SETBP1: variants seen among roughly 807,000 people sequenced by gnomAD.
SETBP1 encodes the protein SET-binding protein.
A neutral mutation model predicts 101.0 loss-of-function variants in SETBP1; 9 were observed. The observed-to-expected ratio is 0.09, with a 90% CI of 0.05 to 0.16. SETBP1 has a LOEUF of 0.16. SETBP1 is among the 10% of genes least tolerant of loss of function. SETBP1 has a pLI of 1.00. For synonymous variants in SETBP1, 818 were observed against 788.5 expected, an observed-to-expected ratio of 1.04 and a Z score of -0.63; for missense variants, 1,858 against 2,033.8, an observed-to-expected ratio of 0.91 and a Z score of 1.66.
intron 3 of SETBP1, among the ~76,000 whole-genome samples, chr18:44,918,470 A>C (rs1046641925): frequency 6.6e-6 from 1 of 152,202 alleles, no homozygotes; most frequent in African/African-American, 2.4e-5. Flanking sequence ...AATTTATCCT[A>C]CCTGGCCACT....
intron 4 of SETBP1, among the ~76,000 whole-genome samples, chr18:44,981,368 A>G (rs1242564935): frequency 2.6e-5 from 4 of 152,196 alleles, no homozygotes; most frequent in African/African-American, 9.7e-5. Context: ...ACCTCCCTTA[A>G]AAAATCTATA....
chr18:44,928,288 C>T (rs1408857743), intron 3 of SETBP1, among the ~76,000 whole-genome samples: 1 of 152,176 alleles, frequency 6.6e-6, no homozygotes, highest in Non-Finnish European at 1.5e-5. Flanking sequence ...TATAGTATTC[C>T]ATGGTGTATA....
At chr18:44,769,730 A>T (rs1380326377) in intron 2 of SETBP1, among the ~76,000 whole-genome samples, 1 of 152,254 alleles carries the variant, frequency 6.6e-6, no homozygotes, top group African/African-American at 2.4e-5. Flanking sequence ...AACCACTATT[A>T]TGCTATATAG....
intron 4 of SETBP1, among the ~76,000 whole-genome samples, chr18:44,979,165 T>C (rs2072056129): frequency 6.6e-6 from 1 of 152,232 alleles, no homozygotes; most frequent in Non-Finnish European, 1.5e-5. Context: ...AGAGGACTTC[T>C]ACGGGCTTTT....
intron 4 of SETBP1, among the ~76,000 whole-genome samples, chr18:45,005,054 T>C (rs1246414487): frequency 6.6e-6 from 1 of 152,180 alleles, no homozygotes; most frequent in African/African-American, 2.4e-5. Flanking sequence ...ATAAGGGCTT[T>C]GGCGCAGCAT....
chr18:44,701,205 T>A lies in SETBP1; in HGVS notation c.-142T>A. The A allele has an allele frequency of 1.2e-6, 1 of 847,852 alleles. No individual in the cohort carries two copies. Among genetic ancestry groups the A allele is most frequent in the Non-Finnish European group, 1.8e-6 (1 of 562,366 alleles). The allele number at this position is 847,852 out of a possible 1,614,324, so 52.5% of individuals were successfully genotyped here. Reference sequence around the variant, plus strand: ...GATCTGATCTCTTCTGAACACCTCATCGTGTCTCCATCCCTGGGAATCTGA... The same window carrying A: ...GATCTGATCTCTTCTGAACACCTCAACGTGTCTCCATCCCTGGGAATCTGA... On this transcript the variant is annotated 5_prime_UTR_variant, in exon 2 of 6. Coordinates refer to ENST00000649279, the MANE Select transcript of SETBP1 (RefSeq NM_015559.3).
chr18:44,874,618 A>C (rs182551323), intron 3 of SETBP1, among the ~76,000 whole-genome samples: 305 of 152,322 alleles, frequency 2.0e-3, no homozygotes, highest in Non-Finnish European at 3.3e-3. Context: ...AGAATTTGGG[A>C]TGCTGTTAAC....
chr18:44,938,075 G>A (rs1448448747), intron 3 of SETBP1, among the ~76,000 whole-genome samples: 1 of 152,198 alleles, frequency 6.6e-6, no homozygotes, highest in Non-Finnish European at 1.5e-5. Context: ...AGGGAGTGGG[G>A]GAGCAGGGGA....
intron 3 of SETBP1, among the ~76,000 whole-genome samples, chr18:44,880,515 A>G (rs2069505799): frequency 6.6e-6 from 1 of 152,222 alleles, no homozygotes; most frequent in African/African-American, 2.4e-5. Context: ...TTGTATCGTT[A>G]TAAAGAAATA....
chr18:44,889,684 G>A lies in SETBP1; in HGVS notation c.540+20401G>A, dbSNP rs1199256162. Among the ~76,000 whole-genome samples the A allele has an allele frequency of 2.6e-5, 4 of 152,048 alleles. No homozygotes were observed. In the East Asian group the frequency reaches 7.7e-4, roughly 29 times the overall value. On this transcript the variant is annotated intron_variant, in intron 3 of 5. Transcript: ENST00000649279. Reference sequence around the variant, plus strand: ...TAGTTAAATTAAACTATTGAGATGAGGCCTATTGATATACAATTAACCCAA... The same window carrying A: ...TAGTTAAATTAAACTATTGAGATGAAGCCTATTGATATACAATTAACCCAA...
chr18:45,009,175 G>A (rs999848425), intron 4 of SETBP1, among the ~76,000 whole-genome samples: 2 of 152,068 alleles, frequency 1.3e-5, no homozygotes, highest in African/African-American at 4.8e-5. Flanking sequence ...TCAGCACTGG[G>A]CCCTGCAGCC....
intron 4 of SETBP1, among the ~76,000 whole-genome samples, chr18:44,954,947 G>C (rs1489512398): frequency 6.6e-6 from 1 of 152,184 alleles, no homozygotes; most frequent in Non-Finnish European, 1.5e-5. Flanking sequence ...GACAGAAGAT[G>C]TTCTTATTTT....
chr18:44,845,139 G>T (rs1019024227), intron 2 of SETBP1, among the ~76,000 whole-genome samples: 1 of 152,172 alleles, frequency 6.6e-6, no homozygotes, highest in African/African-American at 2.4e-5. Flanking sequence ...AAGAGACAGA[G>T]ATCTCATTTT....
chr18:45,031,100 T>C (rs1234157495), intron 4 of SETBP1, among the ~76,000 whole-genome samples: 2 of 152,176 alleles, frequency 1.3e-5, no homozygotes, highest in Non-Finnish European at 2.9e-5. Flanking sequence ...TTAATTGTGA[T>C]GTTAGGGTGT....
chr18:44,696,440 C>T (rs996005884), intron 1 of SETBP1, among the ~76,000 whole-genome samples: 3 of 152,044 alleles, frequency 2.0e-5, no homozygotes, highest in Non-Finnish European at 4.4e-5. Flanking sequence ...AAGTAGAGCT[C>T]GAGAACTTGC....
At chr18:45,051,161 A>G (rs1182045822) in intron 5 of SETBP1, among the ~76,000 whole-genome samples, 1 of 152,184 alleles carries the variant, frequency 6.6e-6, no homozygotes, top group East Asian at 1.9e-4. Context: ...ATTTGTTTAC[A>G]CTAACTTTTC....
chr18:44,981,589 G>C (rs907456129), intron 4 of SETBP1, among the ~76,000 whole-genome samples: 2 of 152,194 alleles, frequency 1.3e-5, no homozygotes, highest in Non-Finnish European at 2.9e-5. Flanking sequence ...ACAGGACTTT[G>C]CAAGAGAAGA....
At chr18:44,819,810 A>C (rs116770595) in intron 2 of SETBP1, among the ~76,000 whole-genome samples, 1 of 152,346 alleles carries the variant, frequency 6.6e-6, no homozygotes, top group South Asian at 2.1e-4. Context: ...TTCCATTGAG[A>C]ATGATTGTTT....
chr18:44,775,095 G>A (rs780533059), intron 2 of SETBP1, among the ~76,000 whole-genome samples: 10 of 151,996 alleles, frequency 6.6e-5, no homozygotes, highest in Non-Finnish European at 8.8e-5. Flanking sequence ...GCTACTAAAG[G>A]TCTCACCAGA....
Sources: gnomAD v4.1 joint callset for allele counts (sites outside exome capture counted in the v4.1 genomes callset) on GRCh38, gnomAD v4.1.1 for gene constraint, MANE v1.5 for transcripts, NCBI Gene and HGNC (gene_info 2026-07-23, HGNC 2026-07-21) for gene names.